C8orf89: variants seen among roughly 807,000 people sequenced by gnomAD.
C8orf89 encodes the protein chromosome 8 open reading frame 89.
Under a neutral mutation model 15.8 loss-of-function variants are expected in C8orf89, and 14 were observed. That is an observed-to-expected ratio of 0.89 (90% CI 0.59 to 1.39). The LOEUF (loss-of-function observed/expected upper bound fraction) is 1.39. C8orf89 is among the 40% of genes most tolerant of loss of function. The probability of loss-of-function intolerance (pLI) is 0.00; values close to 1 mark genes in which losing one functional copy is unlikely to be tolerated. For synonymous variants in C8orf89, 55 were observed against 62.2 expected (o/e 0.88, Z 0.54); for missense variants, 181 against 184.5 (o/e 0.98, Z 0.11).
the C8orf89 span, among the ~76,000 whole-genome samples, chr8:73,267,916 G>A: frequency 6.6e-6 from 1 of 152,104 alleles, no homozygotes. Flanking sequence ...CCGAAGATGT[G>A]TCTCTGGCAG....
At chr8:73,284,599 G>A in the C8orf89 span, among the ~76,000 whole-genome samples, 27 of 151,854 alleles carry the variant, frequency 1.8e-4, no homozygotes, top group Non-Finnish European at 3.8e-4. Context: ...AAAAAAGAAG[G>A]AAGAATGAAC....
the C8orf89 span, among the ~76,000 whole-genome samples, chr8:73,278,911 G>T: frequency 1.3e-5 from 2 of 152,020 alleles, no homozygotes; most frequent in African/African-American, 4.8e-5. Flanking sequence ...AAGCATCTTA[G>T]GTACGACAAC....
At chr8:73,285,843 T>G in the C8orf89 span, among the ~76,000 whole-genome samples, 1 of 152,146 alleles carries the variant, frequency 6.6e-6, no homozygotes, top group Non-Finnish European at 1.5e-5. Flanking sequence ...AGCTCCCACA[T>G]TCACCACTCC....
the C8orf89 span, among the ~76,000 whole-genome samples, chr8:73,268,334 C>A: frequency 2.0e-5 from 3 of 151,962 alleles, no homozygotes; most frequent in Non-Finnish European, 4.4e-5. Flanking sequence ...AAAAAATTAG[C>A]CAGGTGTGGT....
upstream of C8orf89, among the ~76,000 whole-genome samples, chr8:73,262,195 A>T (rs983808319): frequency 2.0e-5 from 3 of 152,178 alleles, no homozygotes; most frequent in Non-Finnish European, 4.4e-5. Context: ...TGTAAAGGTG[A>T]AGATGACCAG....
chr8:73,250,081 C>T (rs116040666), intron 3 of C8orf89, among the ~76,000 whole-genome samples, 187 bp downstream of exon 3: 1,541 of 152,008 alleles, frequency 0.01, 29 homozygotes, highest in African/African-American at 0.036. Context: ...CCCTTGAGTC[C>T]TGAAATTATA....
chr8:73,277,556 A>T, the C8orf89 span: 2 of 761,448 alleles, frequency 2.6e-6, no homozygotes, highest in Admixed American at 3.6e-5. Context: ...CCTCCATTCC[A>T]GGCTCAGAAG....
the C8orf89 span, among the ~76,000 whole-genome samples, chr8:73,279,671 T>G: frequency 6.6e-6 from 1 of 152,222 alleles, no homozygotes; most frequent in African/African-American, 2.4e-5. Flanking sequence ...AGGTGAGATG[T>G]TTCTTTCCCT....
the C8orf89 span, among the ~76,000 whole-genome samples, chr8:73,266,279 G>A: frequency 6.6e-6 from 1 of 152,198 alleles, no homozygotes; most frequent in Non-Finnish European, 1.5e-5. Context: ...TTCAGTGAGT[G>A]AATGGACCTG....
intron 2 of C8orf89, among the ~76,000 whole-genome samples, chr8:73,255,670 T>C (rs1813359048): frequency 6.7e-6 from 1 of 149,610 alleles, no homozygotes; most frequent in Non-Finnish European, 1.5e-5. Flanking sequence ...GTATGTTTAT[T>C]GCGGCACTAT....
upstream of C8orf89, among the ~76,000 whole-genome samples, chr8:73,262,684 G>T: frequency 6.6e-6 from 1 of 151,654 alleles, no homozygotes; most frequent in East Asian, 1.9e-4. Flanking sequence ...AAGCATAGTG[G>T]CATACATCTG....
chr8:73,284,563 A>G, the C8orf89 span, among the ~76,000 whole-genome samples: 1 of 151,946 alleles, frequency 6.6e-6, no homozygotes, highest in Non-Finnish European at 1.5e-5. Context: ...TCATGGTATG[A>G]TTCCATTATG....
chr8:73,267,763 G>A, the C8orf89 span, among the ~76,000 whole-genome samples: 9 of 152,120 alleles, frequency 5.9e-5, no homozygotes, highest in African/African-American at 1.7e-4. Flanking sequence ...TAGTTACCAC[G>A]TACAGTCAGT....
chr8:73,262,622 A>G (rs1217248295), upstream of C8orf89, among the ~76,000 whole-genome samples: 3 of 151,842 alleles, frequency 2.0e-5, no homozygotes, highest in South Asian at 2.1e-4. Context: ...TTTAAGACCA[A>G]CCCAGGCAAC....
intron 1 of C8orf89, among the ~76,000 whole-genome samples, chr8:73,257,968 C>T (rs1813436499): frequency 6.6e-6 from 1 of 151,870 alleles, no homozygotes; most frequent in Non-Finnish European, 1.5e-5. Context: ...ACTCTTTTTT[C>T]ATCAATTAGA....
At chr8:73,264,642 C>T in the C8orf89 span, among the ~76,000 whole-genome samples, 1 of 152,130 alleles carries the variant, frequency 6.6e-6, no homozygotes, top group African/African-American at 2.4e-5. Flanking sequence ...AGGTGCCCAC[C>T]ACCACACCCA....
At chr8:73,270,225 C>T in the C8orf89 span, among the ~76,000 whole-genome samples, 2 of 152,094 alleles carry the variant, frequency 1.3e-5, no homozygotes, top group African/African-American at 2.4e-5. Context: ...CCATGCACCC[C>T]CATCCCAATA....
At chr8:73,278,800 GAAGA>G in the C8orf89 span, among the ~76,000 whole-genome samples, 3 of 152,078 alleles carry the variant, frequency 2.0e-5, no homozygotes, top group Admixed American at 1.3e-4. Context: ...TAGAATTTTA[GAAGA>G]AAGTGAGTTA....
the C8orf89 span, chr8:73,277,448 C>A: frequency 2.7e-6 from 3 of 1,127,586 alleles, no homozygotes; most frequent in South Asian, 2.8e-5. Flanking sequence ...TCTCCAAATT[C>A]TTTTTCTCGG....
Sources: allele counts gnomAD v4.1 joint callset (sites outside exome capture counted in the v4.1 genomes callset), GRCh38; gene constraint gnomAD v4.1.1; transcripts MANE v1.5; gene names NCBI Gene and HGNC (gene_info 2026-07-23, HGNC 2026-07-21).